Variants in DIABLO observed in about 807,000 individuals in gnomAD.
DIABLO encodes the protein diablo IAP-binding mitochondrial protein, also known as diablo homolog, mitochondrial.
A neutral mutation model predicts 31.7 loss-of-function variants in DIABLO; 32 were observed. The ratio of observed to expected loss-of-function variants is 1.01; its 90% CI spans 0.76 to 1.35. The LOEUF (loss-of-function observed/expected upper bound fraction) is 1.35, where lower values mean the gene tolerates loss of function less well. Ranked by LOEUF, DIABLO falls within the 40% of genes most tolerant of loss-of-function variation. DIABLO has a pLI of 0.00. For synonymous variants in DIABLO, 132 were observed against 103.2 expected, an observed-to-expected ratio of 1.28 and a Z score of -1.69; for missense variants, 316 against 286.4, an observed-to-expected ratio of 1.10 and a Z score of -0.75.
intron 1 of DIABLO, chr12:122,224,891 T>C (rs1215887177): frequency 5.8e-6 from 8 of 1,388,764 alleles, no homozygotes; most frequent in African/African-American, 1.4e-5. Flanking sequence ...GGAGGATCAC[T>C]TGAGCCCAGG....
upstream of DIABLO, chr12:122,226,334 A>C (rs1237487122): frequency 1.8e-6 from 1 of 559,130 alleles, no homozygotes; most frequent in Non-Finnish European, 3.1e-6. Flanking sequence ...AGTTCGGGCC[A>C]GGGCTTGAAG....
chr12:122,226,443 A>G (rs1184076331), upstream of DIABLO: 52 of 693,594 alleles, frequency 7.5e-5, no homozygotes, highest in Non-Finnish European at 1.6e-5. Flanking sequence ...CTTCAGCACC[A>G]GGAAGTAAGT....
intron 5 of DIABLO, 73 bp downstream of exon 5, chr12:122,216,415 C>G (rs1593174484): frequency 7.6e-7 from 1 of 1,323,078 alleles, no homozygotes; most frequent in Non-Finnish European, 1.1e-6. Flanking sequence ...TTTAGAAAAC[C>G]AGATGAAAAC....
intron 1 of DIABLO, chr12:122,225,539 G>A (rs1954440807): frequency 2.7e-6 from 3 of 1,122,186 alleles, no homozygotes; most frequent in South Asian, 4.4e-5. Context: ...GGAGCCTGCA[G>A]CGCTAGGTAG....
chr12:122,215,437 C>T (rs1954186699), intron 5 of DIABLO, among the ~76,000 whole-genome samples: 1 of 151,998 alleles, frequency 6.6e-6, no homozygotes, highest in South Asian at 2.1e-4. Context: ...AAACTATTCT[C>T]TATTAAAAAT....
Position 122,224,626 on chromosome 12 carries a change from A to G in DIABLO, c.69T>C (p.Cys23=). 6.2e-7 allele frequency: 1 copy of G among 1,614,190 alleles called. No individual in the cohort carries two copies. The highest frequency in any genetic ancestry group is 8.5e-7 in the Non-Finnish European group (1 of 1,180,038). The change falls in exon 2 of 6, where the codon TGT becomes TGC. Residue 23 remains cysteine (C), a synonymous_variant. Transcript: ENST00000464942. Reference sequence around the variant, plus strand: ...TCTTAAAGTTAGCCACAACAGGAACACACAAACACTGTCTGTACCTGGAAG... The same window carrying G: ...TCTTAAAGTTAGCCACAACAGGAACGCACAAACACTGTCTGTACCTGGAAG... ...TSFFRYRQCL[C]VPVVANFKKR...
intron 2 of DIABLO, chr12:122,221,395 G>A (rs1160091991): frequency 1.3e-5 from 2 of 152,110 alleles, no homozygotes; most frequent in Non-Finnish European, 2.9e-5. Flanking sequence ...TTTAATTTTA[G>A]TTCTGAACGC....
At chr12:122,221,594 C>A (rs527872618) in intron 2 of DIABLO, 3 of 152,166 alleles carry the variant, frequency 2.0e-5, no homozygotes, top group African/African-American at 7.2e-5. Flanking sequence ...GGGGTGGTCT[C>A]GCTATGTTTC....
chr12:122,222,298 G>C (rs1271300573), intron 2 of DIABLO: 1 of 152,016 alleles, frequency 6.6e-6, no homozygotes, highest in Admixed American at 6.6e-5. Flanking sequence ...AGTTGCTAAG[G>C]CCTTTAAAAA....
chr12:122,223,560 C>T (rs149526642), intron 2 of DIABLO, among the ~76,000 whole-genome samples: 3 of 152,120 alleles, frequency 2.0e-5, no homozygotes, highest in African/African-American at 7.2e-5. Context: ...TCATCTATTA[C>T]GGTCTCCCCC....
intron 2 of DIABLO, among the ~76,000 whole-genome samples, chr12:122,223,254 G>C (rs1954373448): frequency 6.6e-6 from 1 of 151,814 alleles, no homozygotes; most frequent in Non-Finnish European, 1.5e-5. Flanking sequence ...CACAAGCATG[G>C]AGAAACCCCA....
chr12:122,222,297 G>T (rs12578815), intron 2 of DIABLO: 36,189 of 151,960 alleles, frequency 0.24, 5,092 homozygotes, highest in East Asian at 0.62. Flanking sequence ...CAGTTGCTAA[G>T]GCCTTTAAAA....
intron 5 of DIABLO, chr12:122,209,790 T>A: frequency 1.4e-6 from 1 of 703,530 alleles, no homozygotes; most frequent in Non-Finnish European, 2.6e-6. Context: ...ACAAGAACCT[T>A]CAGGACAATG....
At chr12:122,214,299 C>T (rs1365387633) in intron 5 of DIABLO, among the ~76,000 whole-genome samples, 1 of 152,116 alleles carries the variant, frequency 6.6e-6, no homozygotes, top group Non-Finnish European at 1.5e-5. Flanking sequence ...TCCTATCTTA[C>T]CCTCCCAAGT....
upstream of DIABLO, chr12:122,226,531 G>A (rs1170400705): frequency 1.4e-6 from 1 of 699,072 alleles, no homozygotes; most frequent in South Asian, 1.5e-5. Context: ...TCCCGCAGCA[G>A]CTGCAGCACG....
intron 1 of DIABLO, chr12:122,225,291 G>A: frequency 1.7e-6 from 1 of 588,710 alleles, no homozygotes; most frequent in Non-Finnish European, 2.2e-6. Flanking sequence ...GGGAGGCTGA[G>A]GCTGAGAATC....
upstream of DIABLO, chr12:122,226,155 A>G: frequency 1.6e-6 from 2 of 1,249,738 alleles, no homozygotes; most frequent in Non-Finnish European, 2.3e-6. Flanking sequence ...TTGGGCAGGC[A>G]GGGGGAAAGG....
chr12:122,211,825 A>C (rs1312931946), intron 5 of DIABLO, among the ~76,000 whole-genome samples: 1 of 152,146 alleles, frequency 6.6e-6, no homozygotes, highest in African/African-American at 2.4e-5. Flanking sequence ...CTCATTAAGT[A>C]CATTTCATGA....
At chr12:122,225,805 G>A in intron 1 of DIABLO, 160 bp downstream of exon 1, 1 of 1,480,932 alleles carries the variant, frequency 6.8e-7, no homozygotes, top group South Asian at 1.3e-5. Flanking sequence ...CGGAGGCGGG[G>A]CTGTCCTCAG....
Sources: allele counts gnomAD v4.1 joint callset (sites outside exome capture counted in the v4.1 genomes callset), GRCh38; gene constraint gnomAD v4.1.1; transcripts MANE v1.5; gene names NCBI Gene and HGNC (gene_info 2026-07-23, HGNC 2026-07-21).